ERMP1: variants seen among roughly 807,000 people sequenced by gnomAD.
ERMP1 encodes the protein Felix-ina.
A neutral mutation model predicts 92.0 loss-of-function variants in ERMP1; 86 were observed. The ratio of observed to expected loss-of-function variants is 0.93; its 90% CI spans 0.79 to 1.12. ERMP1 has a LOEUF of 1.12. ERMP1 is among the 50% of genes most tolerant of loss of function. The pLI, the probability that ERMP1 is intolerant of heterozygous loss-of-function variation, is 0.00. For synonymous variants in ERMP1, 530 were observed against 412.8 expected (o/e 1.28, Z -3.44); for missense variants, 1,342 against 1,116.3 (o/e 1.20, Z -2.88).
chr9:5,823,053 G>A (rs1417269603), intron 4 of ERMP1, among the ~76,000 whole-genome samples: 2 of 152,184 alleles, frequency 1.3e-5, no homozygotes, highest in Admixed American at 6.5e-5. Context: ...GGGAGGCCAA[G>A]GCAGGAGGAC....
chr9:5,855,704 A>T (rs764814657), intron 6 of ERMP1: 1 of 154,274 alleles, frequency 6.5e-6, no homozygotes, highest in Non-Finnish European at 1.5e-5. Flanking sequence ...AAGATGCTGC[A>T]AGCTATCTCA....
At chr9:5,812,811 C>T (rs1270552190) in intron 5 of ERMP1, 78 bp downstream of exon 5, 3 of 1,481,822 alleles carry the variant, frequency 2.0e-6, no homozygotes, top group African/African-American at 1.4e-5. Flanking sequence ...ATGCTGTTTA[C>T]TCACATACTT....
Position 5,787,208 on chromosome 9 carries a change from T to C in ERMP1, c.2651A>G (p.Glu884Gly), listed in dbSNP as rs1827977476. 1 of 1,614,100 alleles carries C rather than the reference T, an allele frequency of 6.2e-7. No homozygotes were observed. Among genetic ancestry groups the C allele is most frequent in the Non-Finnish European group, 8.5e-7 (1 of 1,179,990 alleles). ...GGGAAATGTCCAATCTGGGAACTTTTCCTTCAGAGCATCCAGTTGAGGGGA... is the reference window on the plus strand; with the variant it reads ...GGGAAATGTCCAATCTGGGAACTTTCCCTTCAGAGCATCCAGTTGAGGGGA... ...KRSPQLDALK[E>G]KFPDWTFPSA... Residue 884 changes from glutamate to glycine, a missense_variant, in exon 15 of 15, where the codon GAA becomes GGA. Transcript: ENST00000339450.
intron 2 of ERMP1, among the ~76,000 whole-genome samples, chr9:5,826,079 T>C (rs1201335421): frequency 6.6e-6 from 1 of 152,160 alleles, no homozygotes; most frequent in East Asian, 1.9e-4. Flanking sequence ...GAGGAACTGA[T>C]ATAGCTAAGA....
At chr9:5,788,281 T>A (rs999489085) in intron 13 of ERMP1, among the ~76,000 whole-genome samples, 1 of 152,168 alleles carries the variant, frequency 6.6e-6, no homozygotes, top group Non-Finnish European at 1.5e-5. Context: ...TTGTGGCAAA[T>A]GCAGACCAAG....
At position 5,786,195 on chromosome 9, in the gene ERMP1, AC is replaced by A. The variant is rs1464084770; in HGVS notation, c.*948del. 1 of 152,192 alleles carries A rather than the reference AC, an allele frequency of 6.6e-6. No homozygotes were observed. The highest frequency in any genetic ancestry group is 2.4e-5 in the African/African-American group (1 of 41,442). 9.4% of individuals were successfully genotyped at this position (152,192 alleles called of 1,614,324 possible). A position where few individuals can be genotyped will look rare whatever the true frequency, so the allele number is the denominator to read the frequency against. On this transcript the variant is annotated 3_prime_UTR_variant, in exon 15 of 15. Coordinates refer to ENST00000339450, the MANE Select transcript of ERMP1 (RefSeq NM_024896.3). The stretch of plus-strand genomic sequence containing the variant: ...AGTAAGATTATACCATGAAGGACTA[AC>A]CTTGTATAACACAAGACTCCTATGA...
intron 4 of ERMP1, among the ~76,000 whole-genome samples, chr9:5,822,479 A>G (rs1200730728): frequency 6.6e-6 from 1 of 152,180 alleles, no homozygotes; most frequent in Non-Finnish European, 1.5e-5. Flanking sequence ...TAAAAGATTA[A>G]AATAAGTTTG....
intron 6 of ERMP1, among the ~76,000 whole-genome samples, chr9:5,845,161 T>G (rs1163645792): frequency 6.8e-6 from 1 of 146,998 alleles, no homozygotes; most frequent in Non-Finnish European, 1.5e-5. Context: ...TTTTTGTTGT[T>G]GTGGTGGTGG....
rs575884664 is a variant in ERMP1, at chr9:5,810,553, A to G, written c.1328-322T>C. Among the ~76,000 whole-genome samples the G allele has an allele frequency of 2.6e-5, 4 of 152,344 alleles. No homozygotes were observed. In the South Asian group the frequency reaches 8.3e-4, roughly 32 times the overall value. On this transcript the variant is annotated intron_variant, in intron 7 of 14. Coordinates refer to ENST00000339450, the MANE Select transcript of ERMP1 (RefSeq NM_024896.3). ...TCACTTTTGGTATGCTTTGTGTATC[A>G]AAATATTAGCAAGAATGGAAGGCAA... is the stretch of plus-strand genomic sequence containing the variant.
intron 4 of ERMP1, among the ~76,000 whole-genome samples, chr9:5,813,801 G>A (rs560782922): frequency 6.7e-6 from 1 of 149,972 alleles, no homozygotes; most frequent in Non-Finnish European, 1.5e-5. Flanking sequence ...TACATCTACA[G>A]CTTTTTCAAA....
intron 6 of ERMP1, among the ~76,000 whole-genome samples, chr9:5,851,250 A>C (rs1173807253): frequency 1.3e-5 from 2 of 152,234 alleles, no homozygotes; most frequent in African/African-American, 4.8e-5. Flanking sequence ...TTTAGCAGTC[A>C]TACAGCACCT....
chr9:5,808,798 T>C (rs1387691497), intron 8 of ERMP1, among the ~76,000 whole-genome samples: 2 of 151,994 alleles, frequency 1.3e-5, no homozygotes, highest in Admixed American at 6.6e-5. Context: ...AGTGCAGTGG[T>C]ACAATCACAG....
At chr9:5,824,928 G>A (rs189404358) in intron 3 of ERMP1, among the ~76,000 whole-genome samples, 164 bp downstream of exon 3, 38 of 152,250 alleles carry the variant, frequency 2.5e-4, no homozygotes, top group African/African-American at 8.9e-4. Flanking sequence ...ATAAGTGGTT[G>A]TGAATTTGTT....
chr9:5,855,941 G>T, intron 6 of ERMP1: 1 of 261,270 alleles, frequency 3.8e-6, no homozygotes. Context: ...GTCTTATCCT[G>T]GCAGCAACTG....
intron 13 of ERMP1, among the ~76,000 whole-genome samples, chr9:5,794,163 A>C (rs1476178928): frequency 6.6e-6 from 1 of 152,148 alleles, no homozygotes; most frequent in Non-Finnish European, 1.5e-5. Flanking sequence ...AATCATTTGG[A>C]GATTAAAGAA....
intron 5 of ERMP1, among the ~76,000 whole-genome samples, chr9:5,861,519 C>A (rs762027735): frequency 2.4e-4 from 36 of 152,062 alleles, no homozygotes; most frequent in Non-Finnish European, 4.7e-4. Context: ...TCTTCTTTTA[C>A]AGATGGCACT....
chr9:5,824,596 T>A (rs866414705), intron 3 of ERMP1, among the ~76,000 whole-genome samples: 11 of 152,188 alleles, frequency 7.2e-5, no homozygotes, highest in Admixed American at 2.6e-4. Flanking sequence ...AGAGACGGGG[T>A]TTCACCATGT....
chr9:5,808,627 T>G (rs1344767300), intron 8 of ERMP1, among the ~76,000 whole-genome samples: 2 of 151,882 alleles, frequency 1.3e-5, no homozygotes, highest in Non-Finnish European at 2.9e-5. Flanking sequence ...AACAGTAGGC[T>G]TACATGGAGC....
At chr9:5,836,470 A>G (rs1215852925), upstream of ERMP1, among the ~76,000 whole-genome samples, 1 of 152,252 alleles carries the variant, frequency 6.6e-6, no homozygotes, top group African/African-American at 2.4e-5. Flanking sequence ...CAGGCAGAGC[A>G]AGTCAAAACC....
Sources: gnomAD v4.1 joint callset for allele counts (sites outside exome capture counted in the v4.1 genomes callset) on GRCh38, gnomAD v4.1.1 for gene constraint, MANE v1.5 for transcripts, NCBI Gene and HGNC (gene_info 2026-07-23, HGNC 2026-07-21) for gene names.